PSMA1: variants seen among roughly 807,000 people sequenced by gnomAD.
PSMA1 encodes proteasome subunit alpha type-1.
In PSMA1, 3 loss-of-function variants were observed where a neutral mutation model predicts 38.4. The ratio of observed to expected loss-of-function variants is 0.08; its 90% confidence interval spans 0.04 to 0.20. The LOEUF (loss-of-function observed/expected upper bound fraction) is 0.20, where lower values mean the gene tolerates loss of function less well. Ranked by LOEUF, PSMA1 falls within the 10% of genes least tolerant of loss-of-function variation. PSMA1 has a pLI of 1.00. For missense variants in PSMA1, 227 were observed against 325.3 expected (o/e 0.70, Z 2.32); for synonymous variants, 101 against 107.1 (o/e 0.94, Z 0.35).
chr11:14,533,894 C>A (rs1851675951), intron 2 of PSMA1, among the ~76,000 whole-genome samples: 1 of 151,884 alleles, frequency 6.6e-6, no homozygotes, highest in South Asian at 2.1e-4. Flanking sequence ...AAATTAATAT[C>A]TCAAGGCTGG....
chr11:14,576,653 T>A (rs1852220389), intron 2 of PSMA1, among the ~76,000 whole-genome samples: 2 of 152,290 alleles, frequency 1.3e-5, no homozygotes, highest in East Asian at 1.9e-4. Context: ...CTGTTTTGGT[T>A]CCAGTGACAT....
At chr11:14,601,331 T>C (rs996775840) in intron 2 of PSMA1, among the ~76,000 whole-genome samples, 4 of 152,174 alleles carry the variant, frequency 2.6e-5, no homozygotes, top group African/African-American at 9.7e-5. Flanking sequence ...ACAAGGATTT[T>C]AGGGATTCTT....
chr11:14,559,293 A>T (rs996511485), intron 2 of PSMA1, among the ~76,000 whole-genome samples: 44 of 152,316 alleles, frequency 2.9e-4, no homozygotes, highest in African/African-American at 1.0e-3. Flanking sequence ...GAAGTTGAAG[A>T]TGTAGTGGGT....
intron 4 of PSMA1, among the ~76,000 whole-genome samples, chr11:14,514,779 A>AC (rs1851399696): frequency 6.6e-6 from 1 of 152,108 alleles, no homozygotes; most frequent in South Asian, 2.1e-4. Context: ...AAAAACAGCA[A>AC]CCTCTCTTCT....
At chr11:14,586,995 C>T (rs1049855618) in intron 2 of PSMA1, among the ~76,000 whole-genome samples, 7 of 152,224 alleles carry the variant, frequency 4.6e-5, no homozygotes, top group Middle Eastern at 6.8e-3. Flanking sequence ...CTCCTGACCT[C>T]GTGATCCGCC....
intron 2 of PSMA1, among the ~76,000 whole-genome samples, chr11:14,518,511 C>T (rs1404078952): frequency 1.3e-5 from 2 of 152,184 alleles, no homozygotes; most frequent in Admixed American, 6.5e-5. Context: ...CATCCGTTGT[C>T]TCACATAGTT....
intron 2 of PSMA1, among the ~76,000 whole-genome samples, chr11:14,571,138 T>G (rs538636827): frequency 3.3e-5 from 5 of 152,144 alleles, no homozygotes; most frequent in Non-Finnish European, 5.9e-5. Context: ...TCGCGGATCA[T>G]GGCAAGCTCC....
chr11:14,632,305 C>G (rs1389871401), intron 1 of PSMA1, among the ~76,000 whole-genome samples: 1 of 147,226 alleles, frequency 6.8e-6, no homozygotes, highest in African/African-American at 2.5e-5. Flanking sequence ...TGGCTGGTAC[C>G]GGTTGTTCCT....
At chr11:14,602,752 C>G (rs775355180) in intron 2 of PSMA1, among the ~76,000 whole-genome samples, 4 of 152,212 alleles carry the variant, frequency 2.6e-5, no homozygotes, top group Non-Finnish European at 4.4e-5. Flanking sequence ...AGAACCCAGC[C>G]TGCATTGAGT....
At chr11:14,518,085 T>C in intron 2 of PSMA1, 104 bp from the exon 3 acceptor site, 1 of 862,672 alleles carries the variant, frequency 1.2e-6, no homozygotes, top group Non-Finnish European at 1.7e-6. Context: ...CTCAACTGAT[T>C]TTTTTTTTAA....
intron 2 of PSMA1, among the ~76,000 whole-genome samples, chr11:14,602,819 T>C (rs1852599795): frequency 6.6e-6 from 1 of 152,182 alleles, no homozygotes; most frequent in Non-Finnish European, 1.5e-5. Flanking sequence ...TCTCATGGAT[T>C]AGGTGTGGGC....
intron 2 of PSMA1, among the ~76,000 whole-genome samples, chr11:14,595,888 A>G (rs1328969618): frequency 6.6e-6 from 1 of 152,218 alleles, no homozygotes; most frequent in Non-Finnish European, 1.5e-5. Flanking sequence ...CTAACAGTTA[A>G]GTCTTTAATC....
chr11:14,513,234 A>G (rs1278181748), intron 7 of PSMA1, among the ~76,000 whole-genome samples: 2 of 152,188 alleles, frequency 1.3e-5, no homozygotes, highest in Non-Finnish European at 2.9e-5. Flanking sequence ...CAGAAAACTA[A>G]AAGTGAACAG....
At chr11:14,633,220 T>G (rs2133721881) in intron 1 of PSMA1, among the ~76,000 whole-genome samples, 1 of 151,738 alleles carries the variant, frequency 6.6e-6, no homozygotes, top group Middle Eastern at 3.4e-3. Flanking sequence ...GCTCTGCTTT[T>G]TAGAGTTTCC....
intron 2 of PSMA1, among the ~76,000 whole-genome samples, chr11:14,527,270 CCTT>C (rs1247160084): frequency 6.6e-6 from 1 of 152,116 alleles, no homozygotes; most frequent in Non-Finnish European, 1.5e-5. Context: ...CAGTTTTTCT[CCTT>C]CTCATCAGTC....
At chr11:14,536,757 G>T (rs1054514763) in intron 2 of PSMA1, among the ~76,000 whole-genome samples, 1 of 151,678 alleles carries the variant, frequency 6.6e-6, no homozygotes, top group Non-Finnish European at 1.5e-5. Context: ...GACTACAGGC[G>T]CCCGCCACCA....
Position 14,607,993 on chromosome 11 carries a change from T to C in PSMA1, c.21+2973A>G, listed in dbSNP as rs568970757. Among the ~76,000 whole-genome samples, 3 of 152,248 alleles carry C rather than the reference T, an allele frequency of 2.0e-5. No individual in the cohort carries two copies. The East Asian group carries it at 5.8e-4, about 29-fold the overall frequency. On this transcript the variant is annotated intron_variant, in intron 2 of 10. Coordinates refer to the PSMA1 transcript ENST00000418988. ...GCAGTGGATTTTCATGGATGTAACA[T>C]GTATATAGCCCATCAGAAGTTCTAC...
At chr11:14,597,932 G>A (rs1852522389) in intron 2 of PSMA1, among the ~76,000 whole-genome samples, 1 of 152,148 alleles carries the variant, frequency 6.6e-6, no homozygotes, top group Admixed American at 6.5e-5. Context: ...GTGTCCCAGA[G>A]ATTCTGGTAT....
intron 2 of PSMA1, among the ~76,000 whole-genome samples, chr11:14,566,021 C>A (rs1366082610): frequency 6.6e-6 from 1 of 152,082 alleles, no homozygotes; most frequent in African/African-American, 2.4e-5. Flanking sequence ...GGAACAAAGG[C>A]CCCATGGTGG....
Sources: gnomAD v4.1 joint callset for allele counts (sites outside exome capture counted in the v4.1 genomes callset) on GRCh38, gnomAD v4.1.1 for gene constraint, MANE v1.5 for transcripts, NCBI Gene and HGNC (gene_info 2026-07-23, HGNC 2026-07-21) for gene names.